CLIC4: variants seen among roughly 807,000 people sequenced by gnomAD.
CLIC4 encodes the protein CLIC family member 4.
In CLIC4, 13 loss-of-function variants were observed where a neutral mutation model predicts 24.6. The ratio of observed to expected loss-of-function variants is 0.53; its 90% confidence interval spans 0.34 to 0.84. The LOEUF is 0.84. Ranked by LOEUF, CLIC4 falls within the 40% of genes least tolerant of loss-of-function variation. The pLI, the probability that CLIC4 is intolerant of heterozygous loss-of-function variation, is 0.01. For missense variants in CLIC4, 227 were observed against 301.7 expected, an observed-to-expected ratio of 0.75 and a Z score of 1.83; for synonymous variants, 104 against 111.3, an observed-to-expected ratio of 0.93 and a Z score of 0.41.
At chr1:24,840,292 TTTGAA>T (rs1391073159) in intron 5 of CLIC4, among the ~76,000 whole-genome samples, 1 of 152,228 alleles carries the variant, frequency 6.6e-6, no homozygotes, top group African/African-American at 2.4e-5. Context: ...AATGCGTGAC[TTTGAA>T]TTGGAGTTTG....
At chr1:24,777,112 G>A (rs78062944) in intron 1 of CLIC4, among the ~76,000 whole-genome samples, 3,260 of 152,248 alleles carry the variant, frequency 0.021, 50 homozygotes, top group Middle Eastern at 0.13. Flanking sequence ...GGGTGCATGC[G>A]TGCATGTGTG....
intron 1 of CLIC4, among the ~76,000 whole-genome samples, chr1:24,795,680 C>T (rs1184300340): frequency 2.6e-5 from 4 of 152,174 alleles, no homozygotes; most frequent in African/African-American, 7.2e-5. Context: ...AAGCAATTCT[C>T]CTGTCTCAGC....
In CLIC4 at chr1:24,828,549, C is replaced by T. The variant is rs141913936; in HGVS notation, c.415+1433C>T. 1.1e-3 allele frequency among the ~76,000 whole-genome samples: 172 copies of T among 152,208 alleles called. 1 individual carries two copies. The highest frequency in any genetic ancestry group is 3.9e-3 in the African/African-American group (163 of 41,512). The stretch of plus-strand genomic sequence containing the variant: ...TGCCCCTGCTGCATACTTCTTTGAA[C>T]AATCTTAGTTACAGTTATGTTTTTA... On this transcript the variant is annotated intron_variant, in intron 4 of 5. Transcript: ENST00000374379.
chr1:24,798,967 A>T (rs1319573284), intron 2 of CLIC4, among the ~76,000 whole-genome samples: 1 of 152,242 alleles, frequency 6.6e-6, no homozygotes, highest in East Asian at 1.9e-4. Flanking sequence ...CCCAGGCTGG[A>T]GTGCAGTGGC....
intron 1 of CLIC4, among the ~76,000 whole-genome samples, chr1:24,750,508 G>C (rs964653498): frequency 5.3e-5 from 8 of 150,370 alleles, no homozygotes; most frequent in African/African-American, 2.0e-4. Flanking sequence ...TGGGACTACA[G>C]GTGTGCACCA....
In CLIC4 at chr1:24,745,499, AAGCAGCAGC is replaced by A. The variant is rs1014261500; in HGVS notation, c.-42_-34del. 6.7e-7 allele frequency: 1 copy of A among 1,492,260 alleles called. No individual in the cohort carries two copies. Among genetic ancestry groups the A allele is most frequent in the Non-Finnish European group, 9.1e-7 (1 of 1,102,058 alleles). 92.4% of individuals were successfully genotyped at this position (1,492,260 alleles called of 1,614,324 possible). A position where few individuals can be genotyped will look rare whatever the true frequency, so the allele number is the denominator to read the frequency against. ...GGCAGCCGGAGCAGTCCCGGAGCAG[AAGCAGCAGC>A]AGCAGCAGCAGCCCTCGCCGTTCGC... is the stretch of plus-strand genomic sequence containing the variant. On this transcript the variant is annotated 5_prime_UTR_variant, in exon 1 of 6. Transcript: ENST00000374379.
intron 1 of CLIC4, among the ~76,000 whole-genome samples, chr1:24,792,078 G>T (rs953897193): frequency 6.8e-6 from 1 of 147,660 alleles, no homozygotes; most frequent in East Asian, 2.0e-4. Flanking sequence ...AAAGAAATTT[G>T]AATTTTTCCA....
At chr1:24,767,024 T>TAAAAAAAAAAAAAAAAAAA (rs34142565) in intron 1 of CLIC4, among the ~76,000 whole-genome samples, 1 of 71,124 alleles carries the variant, frequency 1.4e-5, no homozygotes, top group Non-Finnish European at 2.5e-5. Context: ...GCTGATGAGC[T>TAAAAAAAAAAAAAAAAAAA]AAAAAAAAAA....
intron 1 of CLIC4, among the ~76,000 whole-genome samples, chr1:24,751,280 G>A (rs1034404361): frequency 2.7e-5 from 4 of 147,630 alleles, no homozygotes; most frequent in Non-Finnish European, 5.9e-5. Flanking sequence ...CACGATCTTG[G>A]CTCACTGCAA....
chr1:24,830,245 T>C (rs1322833938), intron 4 of CLIC4, among the ~76,000 whole-genome samples: 1 of 152,210 alleles, frequency 6.6e-6, no homozygotes, highest in African/African-American at 2.4e-5. Context: ...AACAATTTAG[T>C]GTTCTTTTTT....
chr1:24,836,791 T>G (rs182456973), intron 4 of CLIC4, among the ~76,000 whole-genome samples: 18 of 152,304 alleles, frequency 1.2e-4, no homozygotes, highest in Admixed American at 1.0e-3. Context: ...TGAGCCGAGA[T>G]CGTGCCATTG....
intron 1 of CLIC4, among the ~76,000 whole-genome samples, chr1:24,780,593 CCT>C (rs1639191485): frequency 6.6e-6 from 1 of 152,144 alleles, no homozygotes; most frequent in South Asian, 2.1e-4. Flanking sequence ...TGCTTCTTGT[CCT>C]CTCTCTGAGT....
chr1:24,820,046 TCA>T (rs1491398485), intron 3 of CLIC4, among the ~76,000 whole-genome samples: 1 of 73,552 alleles, frequency 1.4e-5, no homozygotes, highest in African/African-American at 4.5e-5. Context: ...CAGCCATACT[TCA>T]AAAAAAAAAA....
chr1:24,782,955 G>A (rs1639222264), intron 1 of CLIC4, among the ~76,000 whole-genome samples: 1 of 151,960 alleles, frequency 6.6e-6, no homozygotes, highest in African/African-American at 2.4e-5. Flanking sequence ...ATTCCAGCCT[G>A]GGCAGCAGAG....
intron 1 of CLIC4, among the ~76,000 whole-genome samples, chr1:24,784,207 A>G (rs1265625175): frequency 1.3e-5 from 2 of 152,174 alleles, no homozygotes; most frequent in Non-Finnish European, 2.9e-5. Context: ...AAGGTACACA[A>G]CAAACAACTC....
intron 1 of CLIC4, among the ~76,000 whole-genome samples, chr1:24,789,024 C>G (rs1381378359): frequency 3.3e-5 from 5 of 152,218 alleles, no homozygotes; most frequent in African/African-American, 1.2e-4. Context: ...ATAAATTTAA[C>G]CAATCTTTTA....
chr1:24,823,699 G>A (rs1371429968), intron 3 of CLIC4, among the ~76,000 whole-genome samples: 2 of 147,468 alleles, frequency 1.4e-5, no homozygotes, highest in Non-Finnish European at 3.0e-5. Flanking sequence ...GCTTGAAACC[G>A]GAAGGCGGAG....
chr1:24,812,037 A>G (rs1008392466), intron 2 of CLIC4, among the ~76,000 whole-genome samples: 4 of 152,142 alleles, frequency 2.6e-5, no homozygotes, highest in Non-Finnish European at 5.9e-5. Flanking sequence ...GGAGGAAGAC[A>G]TCTTATTGTT....
intron 3 of CLIC4, among the ~76,000 whole-genome samples, chr1:24,824,456 CA>C (rs1400230734): frequency 6.6e-6 from 1 of 151,972 alleles, no homozygotes; most frequent in African/African-American, 2.4e-5. Context: ...TTAGTGGAGA[CA>C]GAGTTTTGCC....
Sources: allele counts gnomAD v4.1 joint callset (sites outside exome capture counted in the v4.1 genomes callset), GRCh38; gene constraint gnomAD v4.1.1; transcripts MANE v1.5; gene names NCBI Gene and HGNC (gene_info 2026-07-23, HGNC 2026-07-21).